The following SIL1 variants were observed in gnomAD, a reference collection of about 807,000 sequenced individuals.
SIL1 encodes nucleotide exchange factor SIL1.
In SIL1, 40 loss-of-function variants were observed where a neutral mutation model predicts 49.1. The ratio of observed to expected loss-of-function variants is 0.81; its 90% CI spans 0.63 to 1.06. SIL1 has a LOEUF of 1.06. Ranked by LOEUF, SIL1 falls within the 50% of genes least tolerant of loss-of-function variation. The probability of loss-of-function intolerance (pLI) is 0.00; values close to 1 mark genes in which losing one functional copy is unlikely to be tolerated. For synonymous variants in SIL1, 253 were observed against 250.8 expected (o/e 1.01, Z -0.08); for missense variants, 500 against 572.6 (o/e 0.87, Z 1.29).
At chr5:139,130,265 C>T (rs1750835668) in intron 1 of SIL1, among the ~76,000 whole-genome samples, 1 of 151,882 alleles carries the variant, frequency 6.6e-6, no homozygotes, top group Non-Finnish European at 1.5e-5. Context: ...GCCTGGGCAA[C>T]AGAGTGAGAT....
intron 7 of SIL1, among the ~76,000 whole-genome samples, chr5:139,019,429 A>C (rs1768469605): frequency 6.6e-6 from 1 of 152,206 alleles, no homozygotes; most frequent in African/African-American, 2.4e-5. Flanking sequence ...TCACGGTAAC[A>C]GCCCTCCAGT....
chr5:139,076,931 A>T (rs1325894747), intron 3 of SIL1, among the ~76,000 whole-genome samples: 1 of 152,160 alleles, frequency 6.6e-6, no homozygotes, highest in Non-Finnish European at 1.5e-5. Flanking sequence ...GAGAGGAGAT[A>T]AGACCATCCT....
At chr5:139,040,484 C>CTTTTTTTTTTTT (rs140792595) in intron 5 of SIL1, among the ~76,000 whole-genome samples, 1 of 89,408 alleles carries the variant, frequency 1.1e-5, no homozygotes, top group Non-Finnish European at 2.1e-5. Context: ...AGTATTTTTT[C>CTTTTTTTTTTTT]TTTTTTCTTT....
At chr5:139,193,670 G>A (rs1246812166) in intron 1 of SIL1, among the ~76,000 whole-genome samples, 1 of 152,240 alleles carries the variant, frequency 6.6e-6, no homozygotes, top group East Asian at 1.9e-4. Context: ...CCAAAGGGTT[G>A]AGTCTTAGAT....
At chr5:138,991,024 G>A (rs928893143) in intron 7 of SIL1, among the ~76,000 whole-genome samples, 6 of 152,218 alleles carry the variant, frequency 3.9e-5, no homozygotes, top group African/African-American at 1.4e-4. Flanking sequence ...CCCCCAGCCG[G>A]CTTTTTAAAA....
At chr5:139,081,619 C>A (rs1368772611) in intron 3 of SIL1, among the ~76,000 whole-genome samples, 2 of 152,162 alleles carry the variant, frequency 1.3e-5, no homozygotes, top group Non-Finnish European at 2.9e-5. Context: ...TGGCTCACAC[C>A]TGTAATCCCA....
chr5:138,981,318 A>G lies in SIL1; in HGVS notation c.768-29434T>C, dbSNP rs368127635. Among the ~76,000 whole-genome samples the G allele has an allele frequency of 4.6e-5, 7 of 151,930 alleles. No individual in the cohort carries two copies. In the East Asian group the frequency reaches 7.7e-4, roughly 17 times the overall value. ...TCTCGGACCACAAGCTGATAATGGC[A>G]CTCATGCCTCAGAGGTGACTCAGGT... On this transcript the variant is annotated intron_variant, in intron 7 of 9. Coordinates refer to ENST00000394817, the MANE Select transcript of SIL1 (RefSeq NM_022464.5).
At chr5:139,196,236 A>G in intron 1 of SIL1, among the ~76,000 whole-genome samples, 1 of 152,144 alleles carries the variant, frequency 6.6e-6, no homozygotes, top group East Asian at 1.9e-4. Flanking sequence ...ATATTAAAGA[A>G]ACTGATCTCT....
intron 3 of SIL1, among the ~76,000 whole-genome samples, chr5:139,056,536 G>A (rs1304411384): frequency 4.7e-5 from 7 of 149,516 alleles, no homozygotes; most frequent in South Asian, 2.1e-4. Flanking sequence ...CGCCCCGTCC[G>A]GGAGGGAGGT....
intron 1 of SIL1, among the ~76,000 whole-genome samples, chr5:139,140,262 T>G (rs1751054606): frequency 6.6e-6 from 1 of 150,574 alleles, no homozygotes; most frequent in Non-Finnish European, 1.5e-5. Context: ...AGAGCAAGAC[T>G]CTGTCTCAAA....
chr5:139,154,161 T>G (rs1751361069), intron 1 of SIL1, among the ~76,000 whole-genome samples: 1 of 152,250 alleles, frequency 6.6e-6, no homozygotes, highest in African/African-American at 2.4e-5. Flanking sequence ...ATAAGACATC[T>G]GCATTTACAC....
chr5:139,076,848 C>T (rs578120995), intron 3 of SIL1, among the ~76,000 whole-genome samples: 1 of 152,120 alleles, frequency 6.6e-6, no homozygotes, highest in Non-Finnish European at 1.5e-5. Context: ...AAGCAATTCT[C>T]GGCCGGGCAC....
At chr5:139,128,615 G>T (rs1750800785) in intron 1 of SIL1, among the ~76,000 whole-genome samples, 2 of 149,988 alleles carry the variant, frequency 1.3e-5, no homozygotes, top group African/African-American at 4.9e-5. Context: ...CACTACTACA[G>T]TCCAGCCTGG....
rs56269800 is a variant in SIL1 at position 139,028,495 on chromosome 5, CACAAAACAAAACAAAACAAAACAAA to C, written c.454-1528_454-1504del. On this transcript the variant is annotated intron_variant, in intron 5 of 9. Transcript: ENST00000394817. ...CCTAAGCGACAGAGCGAGACTCCATCACAAAACAAAACAAAACAAAACAAAACAAAACAAAACAAAACAAAACAAA... is the reference window on the plus strand; with the variant it reads ...CCTAAGCGACAGAGCGAGACTCCATCACAAAACAAAACAAAACAAAACAAA... Among the ~76,000 whole-genome samples, 154 of 149,298 alleles carry C rather than the reference CACAAAACAAAACAAAACAAAACAAA, an allele frequency of 1.0e-3. 1 individual carries two copies. Among genetic ancestry groups the C allele is most frequent in the Middle Eastern group, 3.4e-3 (1 of 292 alleles).
intron 7 of SIL1, among the ~76,000 whole-genome samples, chr5:138,971,976 G>A (rs960655468): frequency 7.2e-5 from 11 of 152,222 alleles, no homozygotes; most frequent in East Asian, 5.8e-4. Flanking sequence ...CTTCTCAAGC[G>A]TGTCCAAAAC....
chr5:139,155,635 C>G (rs182908892), intron 1 of SIL1, among the ~76,000 whole-genome samples: 5 of 152,290 alleles, frequency 3.3e-5, no homozygotes, highest in Admixed American at 6.5e-5. Context: ...TTTTGGGAGA[C>G]ACAAGCATTC....
chr5:139,070,936 A>G (rs1050852701), intron 3 of SIL1, among the ~76,000 whole-genome samples: 1 of 152,194 alleles, frequency 6.6e-6, no homozygotes, highest in African/African-American at 2.4e-5. Flanking sequence ...AAGAAATGAT[A>G]GATTTGAGTA....
At chr5:139,038,489 C>T (rs1768967711) in intron 5 of SIL1, among the ~76,000 whole-genome samples, 1 of 152,316 alleles carries the variant, frequency 6.6e-6, no homozygotes, top group East Asian at 1.9e-4. Flanking sequence ...ACCTGGGCAG[C>T]ATTCCACACT....
At chr5:138,987,370 C>T (rs1767669456) in intron 7 of SIL1, among the ~76,000 whole-genome samples, 1 of 151,986 alleles carries the variant, frequency 6.6e-6, no homozygotes, top group Admixed American at 6.6e-5. Context: ...ACTCGGCCTC[C>T]CACAGTGCTG....
Sources: allele counts gnomAD v4.1 joint callset (sites outside exome capture counted in the v4.1 genomes callset), GRCh38; gene constraint gnomAD v4.1.1; transcripts MANE v1.5; gene names NCBI Gene and HGNC (gene_info 2026-07-23, HGNC 2026-07-21).